Variants in RBMS1 observed in about 807,000 individuals in gnomAD.
RBMS1 encodes RNA-binding motif, single-stranded-interacting protein 1.
A neutral mutation model predicts 62.3 loss-of-function variants in RBMS1; 17 were observed. That is an observed-to-expected ratio of 0.27 (90% CI 0.19 to 0.41). The LOEUF is 0.41. Among genes scored for constraint, RBMS1 ranks in the 10% least tolerant of loss-of-function variants. The pLI is 1.00. For missense variants in RBMS1, 334 were observed against 504.5 expected (o/e 0.66, Z 3.24); for synonymous variants, 172 against 170.0 (o/e 1.01, Z -0.09).
At position 160,300,673 on chromosome 2, in the gene RBMS1, A is replaced by C; in HGVS notation, c.618T>G (p.Ile206Met). The C allele has an allele frequency of 6.2e-7, 1 of 1,603,304 alleles. No homozygotes were observed. The highest frequency in any genetic ancestry group is 8.5e-7 in the Non-Finnish European group (1 of 1,175,842). The change falls in exon 6 of 14, where the codon ATT becomes ATG. Residue 206 changes from isoleucine to methionine, a missense_variant. Coordinates refer to ENST00000348849, the MANE Select transcript of RBMS1 (RefSeq NM_016836.4). ...TACCAGAAACTCCTGGTGGTGTCTTAATAAATTTTCCATTAAAATGACCAA... is the reference window on the plus strand; with the variant it reads ...TACCAGAAACTCCTGGTGGTGTCTTCATAAATTTTCCATTAAAATGACCAA... ...AVIGHFNGKF[I>M]KTPPGVSAPT...
intron 1 of RBMS1, among the ~76,000 whole-genome samples, chr2:160,491,100 A>G (rs1292919388): frequency 3.9e-5 from 1 of 25,426 alleles, no homozygotes; most frequent in African/African-American, 1.7e-4. Context: ...CAACAGATAC[A>G]TAAGGGAGAG....
At chr2:160,300,864 G>A in intron 5 of RBMS1, 134 bp from the exon 6 acceptor site, 4 of 1,004,286 alleles carry the variant, frequency 4.0e-6, no homozygotes, top group Non-Finnish European at 5.4e-6. Context: ...ATATGATAAA[G>A]GGTCTATTCT....
intron 1 of RBMS1, among the ~76,000 whole-genome samples, chr2:160,437,032 A>C (rs1574056274): frequency 6.6e-6 from 1 of 152,240 alleles, no homozygotes; most frequent in Non-Finnish European, 1.5e-5. Flanking sequence ...TACAATGCTC[A>C]AAGGGAATAC....
chr2:160,300,590 G>A lies in RBMS1; in HGVS notation c.640+61C>T, dbSNP rs1689157508. ...TTGTTCTATTGAAGAGTCATCATGT[G>A]CTAAAGTTAAACATACATCATATAG... On this transcript the variant is annotated intron_variant, in intron 6 of 13. Transcript: ENST00000348849. The A allele has an allele frequency of 3.3e-6, 5 of 1,508,078 alleles. No homozygotes were observed. In the East Asian group the frequency reaches 1.2e-4, roughly 36 times the overall value. 93.4% of individuals were successfully genotyped at this position (1,508,078 alleles called of 1,614,324 possible). A position where few individuals can be genotyped will look rare whatever the true frequency, so the allele number is the denominator to read the frequency against.
At position 160,493,545 on chromosome 2, in the gene RBMS1, C is replaced by T. The variant is rs1285764720; in HGVS notation, c.-182G>A. On this transcript the variant is annotated 5_prime_UTR_variant, in exon 1 of 14. Transcript: ENST00000348849. ...CGTCCTCCTCCTCCTCCTCCTCTTC[C>T]TCCTCCTCCTCCTCCTCCTCCTCCT... The T allele has an allele frequency of 2.8e-4, 104 of 375,954 alleles. No homozygotes were observed. Among genetic ancestry groups the T allele is most frequent in the Middle Eastern group, 2.1e-3 (3 of 1,410 alleles). The allele number at this position is 375,954 out of a possible 1,614,324, so 23.3% of individuals were successfully genotyped here. A position where few individuals can be genotyped will look rare whatever the true frequency, so the allele number is the denominator to read the frequency against.
chr2:160,491,322 AT>A (rs2105370265), intron 1 of RBMS1, among the ~76,000 whole-genome samples: 1 of 152,330 alleles, frequency 6.6e-6, no homozygotes, highest in South Asian at 2.1e-4. Context: ...GAATAATAGG[AT>A]TTCAGATTTA....
chr2:160,397,666 T>C (rs1695219864), intron 1 of RBMS1, among the ~76,000 whole-genome samples: 1 of 152,144 alleles, frequency 6.6e-6, no homozygotes, highest in Non-Finnish European at 1.5e-5. Context: ...CCCTCACCCC[T>C]GCCTCCACCC....
At chr2:160,470,743 C>T (rs1399517166) in intron 1 of RBMS1, among the ~76,000 whole-genome samples, 1 of 152,080 alleles carries the variant, frequency 6.6e-6, no homozygotes, top group Non-Finnish European at 1.5e-5. Context: ...TCAGACTGTA[C>T]TGTACTCGCT....
chr2:160,457,911 T>C (rs531662912), intron 1 of RBMS1, among the ~76,000 whole-genome samples: 1 of 152,168 alleles, frequency 6.6e-6, no homozygotes, highest in African/African-American at 2.4e-5. Flanking sequence ...TAAAGGTTTC[T>C]CTGACTCATT....
At chr2:160,445,974 T>C (rs530194422) in intron 1 of RBMS1, among the ~76,000 whole-genome samples, 1 of 152,066 alleles carries the variant, frequency 6.6e-6, no homozygotes, top group African/African-American at 2.4e-5. Context: ...GTTAACTGGA[T>C]TAAATGCATA....
intron 6 of RBMS1, among the ~76,000 whole-genome samples, chr2:160,288,658 G>A (rs1162817065): frequency 6.6e-6 from 1 of 152,086 alleles, no homozygotes; most frequent in Admixed American, 6.6e-5. Flanking sequence ...ATCTAGAGAG[G>A]TTTATCCACT....
chr2:160,377,195 C>T (rs753134632), intron 1 of RBMS1, among the ~76,000 whole-genome samples: 10 of 152,166 alleles, frequency 6.6e-5, no homozygotes, highest in Non-Finnish European at 1.2e-4. Flanking sequence ...AAAACTGAAA[C>T]GTAAGTTTTG....
At chr2:160,392,478 G>A (rs534140896) in intron 1 of RBMS1, among the ~76,000 whole-genome samples, 2 of 149,972 alleles carry the variant, frequency 1.3e-5, no homozygotes, top group Non-Finnish European at 3.0e-5. Flanking sequence ...AAAAAACCCT[G>A]ATCCCAACTA....
At chr2:160,350,015 G>A (rs999528068) in intron 2 of RBMS1, among the ~76,000 whole-genome samples, 11 of 152,012 alleles carry the variant, frequency 7.2e-5, no homozygotes, top group African/African-American at 2.7e-4. Context: ...AAAACCTGGT[G>A]TAAGGCACGT....
At chr2:160,314,763 G>A (rs1690118564) in intron 3 of RBMS1, among the ~76,000 whole-genome samples, 1 of 152,174 alleles carries the variant, frequency 6.6e-6, no homozygotes, top group African/African-American at 2.4e-5. Flanking sequence ...CCAGGCTGGA[G>A]AGCAAAAGGA....
At chr2:160,411,656 G>C (rs1042744603) in intron 1 of RBMS1, among the ~76,000 whole-genome samples, 1 of 152,230 alleles carries the variant, frequency 6.6e-6, no homozygotes, top group Non-Finnish European at 1.5e-5. Context: ...CCTCTCTTGA[G>C]TGCCAGACTC....
chr2:160,474,049 G>T (rs1001271345), intron 1 of RBMS1, among the ~76,000 whole-genome samples: 2 of 151,884 alleles, frequency 1.3e-5, no homozygotes, highest in African/African-American at 4.8e-5. Flanking sequence ...ATACATAAAG[G>T]TTAAAAACTT....
Position 160,438,256 on chromosome 2 carries a change from ACTTT to A in RBMS1, c.75+55029_75+55032del, listed in dbSNP as rs201913363. On this transcript the variant is annotated intron_variant, in intron 1 of 13. Coordinates refer to ENST00000348849, the MANE Select transcript of RBMS1 (RefSeq NM_016836.4). ...GAAAGGCAATCTTCAGAGGCTCAATACTTTCTTTTTTTTTTTTTTTTTATTGATC... is the reference window on the plus strand; with the variant it reads ...GAAAGGCAATCTTCAGAGGCTCAATACTTTTTTTTTTTTTTTTTATTGATC... Among the ~76,000 whole-genome samples the A allele has an allele frequency of 7.0e-4, 82 of 117,034 alleles. 1 individual carries two copies. The highest frequency in any genetic ancestry group is 2.0e-3 in the East Asian group (6 of 3,030). 76.8% of individuals were successfully genotyped at this position (117,034 alleles called of 152,430 possible).
At chr2:160,463,944 G>A (rs921004837) in intron 1 of RBMS1, among the ~76,000 whole-genome samples, 1 of 152,062 alleles carries the variant, frequency 6.6e-6, no homozygotes, top group East Asian at 1.9e-4. Flanking sequence ...TTTGAATTTT[G>A]TGAAATTAAA....
Sources: gnomAD v4.1 joint callset for allele counts (sites outside exome capture counted in the v4.1 genomes callset) on GRCh38, gnomAD v4.1.1 for gene constraint, MANE v1.5 for transcripts, NCBI Gene and HGNC (gene_info 2026-07-23, HGNC 2026-07-21) for gene names.